Variants in TET3 observed in about 807,000 individuals in gnomAD.
TET3 encodes methylcytosine dioxygenase TET3.
In TET3, 19 loss-of-function variants were observed where a neutral mutation model predicts 141.4. The observed-to-expected ratio is 0.13, with a 90% CI of 0.09 to 0.20. The LOEUF is 0.20. Among genes scored for constraint, TET3 ranks in the 10% least tolerant of loss-of-function variants. TET3 has a pLI of 1.00. For missense variants in TET3, 1,874 were observed against 2,356.9 expected (o/e 0.80, Z 4.24); for synonymous variants, 1,043 against 980.9 (o/e 1.06, Z -1.18).
intron 4 of TET3, among the ~76,000 whole-genome samples, chr2:74,067,056 C>T (rs1688944508): frequency 6.6e-6 from 1 of 152,102 alleles, no homozygotes; most frequent in Non-Finnish European, 1.5e-5. Flanking sequence ...AGCTTTCAGA[C>T]CACTGCCTCC....
rs776536258 is a variant in TET3, at chr2:74,102,419, G to A, written c.*243G>A. ...ACTACGGCTGTCGGGTGATTTTTCC[G>A]TGATCTTAATATTTATATCTCCAAG... On this transcript the variant is annotated 3_prime_UTR_variant, in exon 12 of 12. Transcript: ENST00000409262. The A allele has an allele frequency of 3.6e-5, 15 of 412,462 alleles. No homozygotes were observed. The highest frequency in any genetic ancestry group is 6.9e-4 in the Middle Eastern group (1 of 1,440). 25.6% of individuals were successfully genotyped at this position (412,462 alleles called of 1,614,324 possible). A position where few individuals can be genotyped will look rare whatever the true frequency, so the allele number is the denominator to read the frequency against.
At chr2:74,121,670 G>A in the TET3 span, 44,299 of 152,012 alleles carry the variant, frequency 0.29, 6,908 homozygotes, top group East Asian at 0.49. Flanking sequence ...TAATGAGCTC[G>A]TTATCAAACC....
chr2:73,986,652 C>T lies in TET3; in HGVS notation c.249C>T (p.Ile83=), dbSNP rs909509517. ...GTACCAACCGCCGCACGCACCAGAT[C>T]TGCAAACTGCGAAAATGTGAGGTGC... ...TSCTNRRTHQ[I]CKLRKCEVLK... is the part of the protein sequence containing the mutation. Residue 83 remains isoleucine, a synonymous_variant, in exon 2 of 12, where the codon ATC becomes ATT. Coordinates refer to ENST00000409262, the MANE Select transcript of TET3 (RefSeq NM_001287491.2). 1 of 1,232,146 alleles carries T rather than the reference C, an allele frequency of 8.1e-7. No individual in the cohort carries two copies. The highest frequency in any genetic ancestry group is 1.0e-6 in the Non-Finnish European group (1 of 987,986). 76.3% of individuals were successfully genotyped at this position (1,232,146 alleles called of 1,614,324 possible).
chr2:74,072,958 A>C (rs1194926137), intron 4 of TET3, among the ~76,000 whole-genome samples: 1 of 152,228 alleles, frequency 6.6e-6, no homozygotes, highest in Non-Finnish European at 1.5e-5. Context: ...ATATTCTGTC[A>C]TGTGGACATA....
intron 6 of TET3, among the ~76,000 whole-genome samples, chr2:74,081,016 G>T (rs996371648): frequency 6.6e-6 from 1 of 152,214 alleles, no homozygotes; most frequent in East Asian, 1.9e-4. Context: ...GGAGCTGCCA[G>T]TGCTTTTGTC....
At chr2:74,124,634 C>T in the TET3 span, among the ~76,000 whole-genome samples, 3 of 151,752 alleles carry the variant, frequency 2.0e-5, no homozygotes, top group East Asian at 1.9e-4. Context: ...CCCCCAACCC[C>T]GTGCTCTCTG....
At chr2:74,007,235 A>T (rs1446542706) in intron 3 of TET3, among the ~76,000 whole-genome samples, 1 of 152,230 alleles carries the variant, frequency 6.6e-6, no homozygotes, top group Non-Finnish European at 1.5e-5. Flanking sequence ...GTGAACTTGC[A>T]CATGGCAGAC....
chr2:74,093,030 G>A lies in TET3; in HGVS notation c.3129+39G>A, dbSNP rs750583090. ...GGCCTTTTGCTGCCCACATGTCACC[G>A]TCCACATCTCTGCTCAGGCTCTGAA... On this transcript the variant is annotated intron_variant, in intron 9 of 11. Transcript: ENST00000409262. This position sits in a 1 kb window ranked among gnomAD's most constrained non-coding sequence, Gnocchi z 4.2. 71 of 1,524,216 alleles carry A rather than the reference G, an allele frequency of 4.7e-5. No homozygotes were observed. Among genetic ancestry groups the A allele is most frequent in the Non-Finnish European group, 4.9e-5 (55 of 1,121,894 alleles). The allele number at this position is 1,524,216 out of a possible 1,614,324, so 94.4% of individuals were successfully genotyped here.
At chr2:74,012,708 C>T (rs1486787434) in intron 3 of TET3, among the ~76,000 whole-genome samples, 1 of 152,166 alleles carries the variant, frequency 6.6e-6, no homozygotes, top group Non-Finnish European at 1.5e-5. Flanking sequence ...AGAGGACATC[C>T]TTTTCCTTAG....
chr2:74,114,853 C>CAAAAAAAAAAAAAAAAAA, the TET3 span, among the ~76,000 whole-genome samples: 199 of 43,782 alleles, frequency 4.5e-3, 18 homozygotes, highest in African/African-American at 8.1e-3. Flanking sequence ...GACTCTGTCT[C>CAAAAAAAAAAAAAAAAAA]AAAAAAAAAA....
At chr2:74,058,687 T>C (rs1334686416) in intron 4 of TET3, among the ~76,000 whole-genome samples, 1 of 152,194 alleles carries the variant, frequency 6.6e-6, no homozygotes, top group Non-Finnish European at 1.5e-5. Context: ...AATACAGTTT[T>C]ATAAAAGACA....
At chr2:74,085,150 C>CAAA (rs112733988) in intron 6 of TET3, among the ~76,000 whole-genome samples, 6 of 119,572 alleles carry the variant, frequency 5.0e-5, no homozygotes, top group African/African-American at 1.7e-4. Flanking sequence ...TTTTCCACAG[C>CAAA]AAAAAAAAAA....
intron 3 of TET3, among the ~76,000 whole-genome samples, chr2:74,014,953 A>T (rs1685653068): frequency 6.6e-6 from 1 of 152,148 alleles, no homozygotes; most frequent in Admixed American, 6.5e-5. Context: ...CTGAAAACCC[A>T]TTTCTGGATT....
At chr2:74,068,790 CATT>C (rs1573844627) in intron 4 of TET3, among the ~76,000 whole-genome samples, 1 of 152,212 alleles carries the variant, frequency 6.6e-6, no homozygotes, top group Admixed American at 6.5e-5. Flanking sequence ...AATGACATCT[CATT>C]GTAGCTTTAT....
chr2:74,088,987 A>C (rs1392322730), intron 7 of TET3, among the ~76,000 whole-genome samples: 1 of 150,216 alleles, frequency 6.7e-6, no homozygotes, highest in Non-Finnish European at 1.5e-5. Flanking sequence ...AGGCTGAGGC[A>C]TGAGAATCAC....
chr2:74,074,313 CAG>C (rs1400196797), intron 5 of TET3, among the ~76,000 whole-genome samples: 1 of 152,206 alleles, frequency 6.6e-6, no homozygotes, highest in Non-Finnish European at 1.5e-5. Context: ...CATGACTACA[CAG>C]GGGTTGTTCA....
chr2:74,007,392 G>A (rs1685203951), intron 3 of TET3, among the ~76,000 whole-genome samples: 1 of 152,192 alleles, frequency 6.6e-6, no homozygotes, highest in Non-Finnish European at 1.5e-5. Flanking sequence ...TGACAGAGGA[G>A]GGCAGTGGGG....
chr2:74,058,114 T>C (rs115543617), intron 4 of TET3, among the ~76,000 whole-genome samples: 1,683 of 152,198 alleles, frequency 0.011, 37 homozygotes, highest in Non-Finnish European at 0.014. Flanking sequence ...AAGCATGCCA[T>C]TACAAAGCAC....
rs528921438 is a variant in TET3 at position 74,097,949 on chromosome 2, A to T, written c.3268-1327A>T. On this transcript the variant is annotated intron_variant, in intron 10 of 11. Transcript: ENST00000409262. ...GACCCCAAATGCCAGAGCATCAAAAATATAGAAAATAAGAAAATATAGTCA... is the reference window on the plus strand; with the variant it reads ...GACCCCAAATGCCAGAGCATCAAAATTATAGAAAATAAGAAAATATAGTCA... Among the ~76,000 whole-genome samples the T allele has an allele frequency of 7.7e-4, 118 of 152,342 alleles. No homozygotes were observed. The South Asian group carries it at 9.1e-3, about 12-fold the overall frequency.
Sources: gnomAD v4.1 joint callset for allele counts (sites outside exome capture counted in the v4.1 genomes callset) on GRCh38, gnomAD v4.1.1 for gene constraint, Gnocchi (gnomAD v3.1) non-coding constraint, MANE v1.5 for transcripts, NCBI Gene and HGNC (gene_info 2026-07-23, HGNC 2026-07-21) for gene names.